Variants in MIPOL1 observed in about 807,000 individuals in gnomAD.
MIPOL1 encodes the protein mirror-image polydactyly 1, also known as mirror-image polydactyly gene 1 protein.
A neutral mutation model predicts 60.9 loss-of-function variants in MIPOL1; 57 were observed. That is an observed-to-expected ratio of 0.94 (90% CI 0.76 to 1.17). The LOEUF is 1.17. Among genes scored for constraint, MIPOL1 ranks in the 50% most tolerant of loss-of-function variants. MIPOL1 has a pLI of 0.00. For missense variants in MIPOL1, 551 were observed against 511.6 expected, an observed-to-expected ratio of 1.08 and a Z score of -0.74; for synonymous variants, 179 against 168.8, an observed-to-expected ratio of 1.06 and a Z score of -0.47.
At chr14:37,474,976 T>G (rs2094747499) in intron 11 of MIPOL1, among the ~76,000 whole-genome samples, 1 of 150,952 alleles carries the variant, frequency 6.6e-6, no homozygotes, top group South Asian at 2.1e-4. Context: ...TTTATTTTTA[T>G]TTTTTTTTGA....
At chr14:37,442,538 G>A (rs1324527294) in intron 11 of MIPOL1, among the ~76,000 whole-genome samples, 2 of 151,966 alleles carry the variant, frequency 1.3e-5, no homozygotes, top group Non-Finnish European at 2.9e-5. Context: ...CTTGAGTTAT[G>A]TTCCTTTGAT....
chr14:37,275,677 G>A (rs8017263), intron 6 of MIPOL1, among the ~76,000 whole-genome samples: 149,392 of 151,182 alleles, frequency 0.99, 73,835 homozygotes, highest in Middle Eastern at 1. Flanking sequence ...TGAATTTTAC[G>A]TAAAAGTATT....
intron 11 of MIPOL1, among the ~76,000 whole-genome samples, chr14:37,447,438 G>C (rs1325722799): frequency 6.6e-6 from 1 of 151,966 alleles, no homozygotes; most frequent in Non-Finnish European, 1.5e-5. Context: ...ACACTTTTAG[G>C]AGGCAAACTT....
intron 11 of MIPOL1, among the ~76,000 whole-genome samples, chr14:37,473,391 C>G (rs2094718326): frequency 1.3e-5 from 2 of 151,954 alleles, no homozygotes; most frequent in Non-Finnish European, 2.9e-5. Flanking sequence ...GACCCCGCCT[C>G]AGGTATTATT....
chr14:37,217,657 T>C (rs187282274), intron 1 of MIPOL1, among the ~76,000 whole-genome samples: 1 of 152,222 alleles, frequency 6.6e-6, no homozygotes. Context: ...ATCATTTCAA[T>C]TGACGCTGAA....
At chr14:37,545,779 T>A in intron 12 of MIPOL1, 1 of 555,578 alleles carries the variant, frequency 1.8e-6, no homozygotes, top group Middle Eastern at 2.6e-4. Context: ...CAGCTTTGTA[T>A]GACACTAAGA....
intron 10 of MIPOL1, among the ~76,000 whole-genome samples, chr14:37,422,175 C>T (rs1252957524): frequency 6.6e-6 from 1 of 151,930 alleles, no homozygotes; most frequent in Admixed American, 6.6e-5. Flanking sequence ...CGTTGAACCT[C>T]ATTGAAAAAA....
intron 10 of MIPOL1, among the ~76,000 whole-genome samples, chr14:37,374,872 T>G (rs1442874403): frequency 6.6e-6 from 1 of 152,188 alleles, no homozygotes; most frequent in African/African-American, 2.4e-5. Context: ...GTGGGCTCCT[T>G]TTTGGTTCCA....
At chr14:37,430,007 A>G (rs568124280) in intron 11 of MIPOL1, among the ~76,000 whole-genome samples, 3 of 152,160 alleles carry the variant, frequency 2.0e-5, no homozygotes. Flanking sequence ...TGAACACTCA[A>G]TCCTGACCTC....
At chr14:37,508,859 T>A (rs906799638) in intron 12 of MIPOL1, among the ~76,000 whole-genome samples, 2 of 152,102 alleles carry the variant, frequency 1.3e-5, no homozygotes, top group African/African-American at 4.8e-5. Flanking sequence ...AAGCATCCAA[T>A]CACAAATGCA....
At chr14:37,340,534 A>G (rs1331264263) in intron 9 of MIPOL1, among the ~76,000 whole-genome samples, 2 of 151,840 alleles carry the variant, frequency 1.3e-5, no homozygotes, top group African/African-American at 4.8e-5. Flanking sequence ...ACATAGTGAG[A>G]CCCCTTCTCT....
chr14:37,271,268 G>A (rs907842614), intron 6 of MIPOL1, among the ~76,000 whole-genome samples: 1 of 151,924 alleles, frequency 6.6e-6, no homozygotes, highest in Non-Finnish European at 1.5e-5. Context: ...GAAATTTCAT[G>A]GAGTAATAGA....
chr14:37,551,988 A>G (rs1438835045), downstream of MIPOL1: 1 of 151,852 alleles, frequency 6.6e-6, no homozygotes, highest in African/African-American at 2.4e-5. Context: ...TTTTGCTTCA[A>G]TAGCTGAAAT....
At chr14:37,512,800 G>T (rs1005233360) in intron 12 of MIPOL1, among the ~76,000 whole-genome samples, 4 of 152,038 alleles carry the variant, frequency 2.6e-5, no homozygotes, top group Non-Finnish European at 4.4e-5. Flanking sequence ...TCAGCAGAAG[G>T]TATAAATCAA....
intron 3 of MIPOL1, among the ~76,000 whole-genome samples, chr14:37,254,465 A>C (rs540996712): frequency 6.6e-6 from 1 of 151,904 alleles, no homozygotes; most frequent in African/African-American, 2.4e-5. Context: ...CAGTTTAAAA[A>C]ATAGAGTTTA....
Position 37,445,510 on chromosome 14 carries a change from T to C in MIPOL1, c.1031+22561T>C, listed in dbSNP as rs1361947518. Among the ~76,000 whole-genome samples the C allele has an allele frequency of 2.8e-3, 424 of 151,236 alleles. 2 individuals are homozygous for C. Among genetic ancestry groups the C allele is most frequent in the African/African-American group, 8.5e-3 (351 of 41,236 alleles). On this transcript the variant is annotated intron_variant, in intron 11 of 12. Transcript: ENST00000684589. ...TGGCCATACTGCCCAAGGTAATTTA[T>C]AGATTCAATGCCATCCCCATCAAGC...
intron 9 of MIPOL1, among the ~76,000 whole-genome samples, chr14:37,367,629 C>A (rs566403381): frequency 2.0e-5 from 3 of 152,034 alleles, no homozygotes; most frequent in African/African-American, 7.2e-5. Flanking sequence ...ATTCCCAAAA[C>A]AAGCCCAACT....
At chr14:37,394,979 A>G (rs1272033858) in intron 10 of MIPOL1, among the ~76,000 whole-genome samples, 2 of 152,124 alleles carry the variant, frequency 1.3e-5, no homozygotes. Flanking sequence ...ATTCTCCTAC[A>G]TGTGCCTAGC....
chr14:37,280,418 T>G (rs1159400305), intron 6 of MIPOL1, among the ~76,000 whole-genome samples: 1 of 152,208 alleles, frequency 6.6e-6, no homozygotes, highest in Non-Finnish European at 1.5e-5. Flanking sequence ...ATGGCTGTAG[T>G]AATTTACAAT....
Sources: allele counts gnomAD v4.1 joint callset (sites outside exome capture counted in the v4.1 genomes callset), GRCh38; gene constraint gnomAD v4.1.1; transcripts MANE v1.5; gene names NCBI Gene and HGNC (gene_info 2026-07-23, HGNC 2026-07-21).